The following CCDC85C variants were observed in gnomAD, a reference collection of about 807,000 sequenced individuals.
The protein encoded by CCDC85C is coiled-coil domain containing 85C.
CCDC85C carries 18 observed loss-of-function variants against 38.3 expected under a neutral mutation model. That is an observed-to-expected ratio of 0.47 (90% CI 0.33 to 0.70). The LOEUF (loss-of-function observed/expected upper bound fraction) is 0.70, where lower values mean the gene tolerates loss of function less well. Among genes scored for constraint, CCDC85C ranks in the 30% least tolerant of loss-of-function variants. The pLI is 0.03. For missense variants in CCDC85C, 566 were observed against 621.2 expected, an observed-to-expected ratio of 0.91 and a Z score of 0.94; for synonymous variants, 264 against 293.8, an observed-to-expected ratio of 0.90 and a Z score of 1.04.
At chr14:99,565,089 C>T (rs1425822369) in intron 1 of CCDC85C, among the ~76,000 whole-genome samples, 3 of 152,164 alleles carry the variant, frequency 2.0e-5, no homozygotes, top group Non-Finnish European at 2.9e-5. Context: ...AGTCATGGGC[C>T]GGTGAGCTCA....
intron 1 of CCDC85C, among the ~76,000 whole-genome samples, chr14:99,549,687 G>A (rs1188762233): frequency 6.6e-6 from 1 of 152,332 alleles, no homozygotes; most frequent in Non-Finnish European, 1.5e-5. Flanking sequence ...GGTTAGAAGC[G>A]AGATAGACTC....
At chr14:99,567,059 T>C (rs537220032) in intron 1 of CCDC85C, among the ~76,000 whole-genome samples, 10 of 152,188 alleles carry the variant, frequency 6.6e-5, no homozygotes, top group Non-Finnish European at 1.0e-4. Context: ...AGTTCCCAAG[T>C]AGTCCAGGCC....
At chr14:99,571,104 C>A (rs148889148) in intron 1 of CCDC85C, among the ~76,000 whole-genome samples, 2 of 152,302 alleles carry the variant, frequency 1.3e-5, no homozygotes, top group African/African-American at 4.8e-5. Flanking sequence ...CAGCAGACCA[C>A]CCCACCCTCA....
chr14:99,526,093 G>C (rs1481884277), intron 2 of CCDC85C, among the ~76,000 whole-genome samples: 1 of 152,190 alleles, frequency 6.6e-6, no homozygotes, highest in Non-Finnish European at 1.5e-5. Context: ...GACACTGTGG[G>C]GCTCAGGGAG....
intron 1 of CCDC85C, among the ~76,000 whole-genome samples, chr14:99,589,428 C>T (rs1430290361): frequency 6.6e-6 from 1 of 152,136 alleles, no homozygotes; most frequent in Non-Finnish European, 1.5e-5. Context: ...CGACCACGAA[C>T]GTGCATTCGG....
chr14:99,603,319 C>G lies in CCDC85C; in HGVS notation c.641G>C (p.Gly214Ala), dbSNP rs1329485743. The G allele has an allele frequency of 4.4e-5, 59 of 1,350,278 alleles. No individual in the cohort carries two copies. The highest frequency in any genetic ancestry group is 1.5e-4 in the South Asian group (8 of 55,014). 83.6% of individuals were successfully genotyped at this position (1,350,278 alleles called of 1,614,324 possible). The change falls in exon 1 of 6, where the codon GGC becomes GCC. Residue 214 changes from glycine (G) to alanine (A), a missense_variant. Physicochemically the swap from Gly to Ala is moderately conservative, Grantham distance 60 (BLOSUM62 0). Around this residue, in one of 3 missense-constraint regions of CCDC85C, gnomAD observed 11 missense variants for 36.6 expected, o/e 0.30. Transcript: ENST00000380243. The surrounding 1 kb of genome is among the most constrained non-coding windows in gnomAD (Gnocchi z 7.5). ...DGSSTSSAGSGGSPDHHHHVP... is the reference protein window; with the variant it reads ...DGSSTSSAGSAGSPDHHHHVP... ...GTGGTGGTGGTGGTCGGGGCTGCCGCCGCTGCCCGCGCTGGACGTACTGCT... is the reference window on the plus strand; with the variant it reads ...GTGGTGGTGGTGGTCGGGGCTGCCGGCGCTGCCCGCGCTGGACGTACTGCT...
At chr14:99,523,081 T>TAAAA (rs1897324520) in intron 2 of CCDC85C, 2 of 152,214 alleles carry the variant, frequency 1.3e-5, no homozygotes, top group African/African-American at 4.8e-5. Flanking sequence ...CACCCTTTTC[T>TAAAA]ACTTCAAAGG....
chr14:99,528,131 G>A (rs985065825), intron 2 of CCDC85C, among the ~76,000 whole-genome samples: 5 of 152,150 alleles, frequency 3.3e-5, no homozygotes, highest in Admixed American at 6.5e-5. Context: ...GTAGGGGACA[G>A]AGCACACAGC....
rs892183856 is a variant in CCDC85C at position 99,509,893 on chromosome 14, G to A, written c.*5353C>T. ...GCACAAGGGGGCTTCGGGTGCTGCC[G>A]AGACTGCCTGTAGGTGGTGTGGTCA... On this transcript the variant is annotated 3_prime_UTR_variant, in exon 6 of 6. Coordinates refer to ENST00000380243, the MANE Select transcript of CCDC85C (RefSeq NM_001144995.2). 44 of 538,084 alleles carry A rather than the reference G, an allele frequency of 8.2e-5. No homozygotes were observed. The highest frequency in any genetic ancestry group is 2.5e-4 in the Admixed American group (7 of 27,988). 33.3% of individuals were successfully genotyped at this position (538,084 alleles called of 1,614,324 possible). A position where few individuals can be genotyped will look rare whatever the true frequency, so the allele number is the denominator to read the frequency against.
chr14:99,565,645 A>G (rs918402627), intron 1 of CCDC85C, among the ~76,000 whole-genome samples: 1 of 152,190 alleles, frequency 6.6e-6, no homozygotes, highest in African/African-American at 2.4e-5. Flanking sequence ...GCAGCCGGGA[A>G]GAGCTGCCTC....
In CCDC85C at chr14:99,600,079, C is replaced by T. The variant is rs550834391; in HGVS notation, c.793+3088G>A. 1.4e-4 allele frequency among the ~76,000 whole-genome samples: 21 copies of T among 152,354 alleles called. No homozygotes were observed. The East Asian group carries it at 4.0e-3, about 29-fold the overall frequency. ...CAGCTCCCCAGAAAGGACAGCAGGG[C>T]CACTGTCCTCACTAGCTCATCAGCA... is the stretch of plus-strand genomic sequence containing the variant. On this transcript the variant is annotated intron_variant, in intron 1 of 5. Transcript: ENST00000380243.
chr14:99,590,309 G>A (rs558107323), intron 1 of CCDC85C, among the ~76,000 whole-genome samples: 4 of 152,318 alleles, frequency 2.6e-5, no homozygotes, highest in African/African-American at 9.6e-5. Context: ...TACTCCCTGC[G>A]CTGTTCCGTC....
rs1194544337 is a variant in CCDC85C, at chr14:99,503,371, C to A, written c.*11875G>T. 1 of 602,582 alleles carries A rather than the reference C, an allele frequency of 1.7e-6. No individual in the cohort carries two copies. The highest frequency in any genetic ancestry group is 1.9e-5 in the African/African-American group (1 of 53,836). 37.3% of individuals were successfully genotyped at this position (602,582 alleles called of 1,614,324 possible). On this transcript the variant is annotated 3_prime_UTR_variant, in exon 6 of 6. Coordinates refer to ENST00000380243, the MANE Select transcript of CCDC85C (RefSeq NM_001144995.2). ...CCTGAAACTTAGTGTTTACTCAGAACTCACCATTCAGGAAAGCTAGTCATT... is the reference window on the plus strand; with the variant it reads ...CCTGAAACTTAGTGTTTACTCAGAAATCACCATTCAGGAAAGCTAGTCATT...
chr14:99,502,968 A>T lies in CCDC85C; in HGVS notation c.*12278T>A. 1.9e-6 allele frequency: 3 copies of T among 1,613,974 alleles called. No individual in the cohort carries two copies. The highest frequency in any genetic ancestry group is 2.5e-6 in the Non-Finnish European group (3 of 1,179,890). ...TCTCCGCAGCCCAGTTCTCCCCGAC[A>T]GGTTAAGCGAGCCGTGGTGAGTGGG... On this transcript the variant is annotated 3_prime_UTR_variant, in exon 6 of 6. Transcript: ENST00000380243.
chr14:99,582,534 C>A (rs1279502779), intron 1 of CCDC85C, among the ~76,000 whole-genome samples: 2 of 151,856 alleles, frequency 1.3e-5, no homozygotes, highest in Non-Finnish European at 2.9e-5. Flanking sequence ...AATGTTAAGT[C>A]GGCTGGGCAC....
chr14:99,522,965 C>T (rs930574146), intron 2 of CCDC85C: 1 of 152,198 alleles, frequency 6.6e-6, no homozygotes, highest in African/African-American at 2.4e-5. Flanking sequence ...CCATAAACTT[C>T]TCTGGTCAGT....
rs1443720196 is a variant in CCDC85C at position 99,545,154 on chromosome 14, T to C, written c.794-9066A>G. Among the ~76,000 whole-genome samples, 1 of 152,090 alleles carries C rather than the reference T, an allele frequency of 6.6e-6. No homozygotes were observed. The highest frequency in any genetic ancestry group is 1.5e-5 in the Non-Finnish European group (1 of 68,006). ...ACGCCTGTCCTCTCAGTGTCATCTGTCCCCTCGTGGGCCACTCTGCTCTGG... is the reference window on the plus strand; with the variant it reads ...ACGCCTGTCCTCTCAGTGTCATCTGCCCCCTCGTGGGCCACTCTGCTCTGG... On this transcript the variant is annotated intron_variant, in intron 1 of 5. Transcript: ENST00000380243. This position sits in a 1 kb window ranked among gnomAD's most constrained non-coding sequence, Gnocchi z 4.7.
chr14:99,580,021 C>T (rs1189032613), intron 1 of CCDC85C: 1 of 455,540 alleles, frequency 2.2e-6, no homozygotes, highest in Non-Finnish European at 4.4e-6. Context: ...CCCCACATAC[C>T]CCGGAGTGAG....
rs376026947 is a variant in CCDC85C at position 99,502,851 on chromosome 14, C to T, written c.*12395G>A. On this transcript the variant is annotated 3_prime_UTR_variant, in exon 6 of 6. Coordinates refer to ENST00000380243, the MANE Select transcript of CCDC85C (RefSeq NM_001144995.2). ...GTGCCGCAAGTACAGCAGTCACAGC[C>T]GTCTCAAAGCTCCGAACCATCCCAG... is the stretch of plus-strand genomic sequence containing the variant. 27 of 1,613,206 alleles carry T rather than the reference C, an allele frequency of 1.7e-5. No homozygotes were observed. The highest frequency in any genetic ancestry group is 5.0e-5 in the Admixed American group (3 of 59,938).
Sources: gnomAD v4.1 joint callset for allele counts (sites outside exome capture counted in the v4.1 genomes callset) on GRCh38, gnomAD v4.1.1 for gene constraint, gnomAD v4.1.1 regional missense constraint, Gnocchi (gnomAD v3.1) non-coding constraint, MANE v1.5 for transcripts, NCBI Gene and HGNC (gene_info 2026-07-23, HGNC 2026-07-21) for gene names.